The following ADGRV1 variants were observed in gnomAD, a reference collection of about 807,000 sequenced individuals.
ADGRV1 encodes adhesion G protein-coupled receptor V1, also known as G-protein coupled receptor 98.
Under a neutral mutation model 596.2 loss-of-function variants are expected in ADGRV1, and 359 were observed. The ratio of observed to expected loss-of-function variants is 0.60; its 90% CI spans 0.55 to 0.66. The LOEUF (loss-of-function observed/expected upper bound fraction) is 0.66. ADGRV1 is among the 30% of genes least tolerant of loss of function. The probability of loss-of-function intolerance (pLI) is 0.00; values close to 1 mark genes in which losing one functional copy is unlikely to be tolerated. For missense variants in ADGRV1, 7,274 were observed against 7,575.6 expected (o/e 0.96, Z 1.48); for synonymous variants, 2,681 against 2,679.2 (o/e 1.00, Z -0.02).
At chr5:90,928,717 AG>A (rs905078844) in intron 83 of ADGRV1, among the ~76,000 whole-genome samples, 2 of 151,206 alleles carry the variant, frequency 1.3e-5, no homozygotes, top group African/African-American at 4.9e-5. Flanking sequence ...TCTGCTTTTT[AG>A]AGTTTCCCGT....
Position 90,716,570 on chromosome 5 carries a change from G to C in ADGRV1, c.9288G>C (p.Glu3096Asp). Residue 3096 changes from glutamate (E) to aspartate (D), a missense_variant, in exon 43 of 90, where the codon GAG becomes GAC. By Grantham distance (45) the Glu-to-Asp change is conservative (BLOSUM62 2). Transcript: ENST00000405460. ...AGCCAACAGCTCTCTACGTCCAGGA[G>C]AGTGTTGCAGTATTGTACATTGTTC... The part of the protein sequence containing the change: ...LREPTALYVQ[E>D]SVAVLYIVRE... 6.2e-7 allele frequency: 1 copy of C among 1,613,780 alleles called. No homozygotes were observed. The highest frequency in any genetic ancestry group is 8.5e-7 in the Non-Finnish European group (1 of 1,179,738).
intron 28 of ADGRV1, 88 bp downstream of exon 28, chr5:90,684,283 A>G: frequency 8.0e-7 from 1 of 1,243,172 alleles, no homozygotes; most frequent in East Asian, 2.6e-5. Flanking sequence ...AGAAAATTCT[A>G]TAAAAAGTAG....
intron 85 of ADGRV1, among the ~76,000 whole-genome samples, chr5:91,039,160 C>CA (rs1314700604): frequency 1.3e-5 from 2 of 152,038 alleles, no homozygotes; most frequent in African/African-American, 2.4e-5. Flanking sequence ...ACGCAGCTGA[C>CA]AAAAATCCAA....
At chr5:91,141,824 A>T (rs1036111736) in intron 87 of ADGRV1, among the ~76,000 whole-genome samples, 11 of 152,184 alleles carry the variant, frequency 7.2e-5, no homozygotes, top group Admixed American at 6.5e-5. Flanking sequence ...GTGTCTGCCA[A>T]GGGGACAGCA....
In ADGRV1 at chr5:91,153,413, A is replaced by G. The variant is rs969633194; in HGVS notation, c.18802+15A>G. The G allele has an allele frequency of 7.8e-6, 12 of 1,547,134 alleles. No individual in the cohort carries two copies. In the African/African-American group the frequency reaches 1.4e-4, roughly 18 times the overall value. On this transcript the variant is annotated intron_variant, in intron 89 of 89. Transcript: ENST00000405460. ...ATTAAAAACTGGTATGTATGAACCC[A>G]TGAACGACATTAGAAGTAGGCACTC...
intron 89 of ADGRV1, among the ~76,000 whole-genome samples, chr5:91,160,625 G>C (rs1170072196): frequency 6.6e-6 from 1 of 152,132 alleles, no homozygotes; most frequent in African/African-American, 2.4e-5. Flanking sequence ...CACAGTCGCT[G>C]GATTTTTCTT....
chr5:90,559,321 T>C (rs1388646008), intron 1 of ADGRV1, among the ~76,000 whole-genome samples: 1 of 152,092 alleles, frequency 6.6e-6, no homozygotes, highest in African/African-American at 2.4e-5. Context: ...CGGTGCGCCA[T>C]AGGTAATAAT....
At chr5:90,946,327 C>T (rs1776574598) in intron 83 of ADGRV1, among the ~76,000 whole-genome samples, 1 of 152,194 alleles carries the variant, frequency 6.6e-6, no homozygotes, top group African/African-American at 2.4e-5. Context: ...TTTTTAATTA[C>T]ATTGTAAGAA....
chr5:91,049,562 CTTGTTGCCCTTTATATTAA>C (rs1326976145), intron 85 of ADGRV1, among the ~76,000 whole-genome samples: 1 of 152,194 alleles, frequency 6.6e-6, no homozygotes, highest in Non-Finnish European at 1.5e-5. Context: ...TACCTGGACA[CTTGTTGCCCTTTATATTAA>C]TTCAAAATCA....
At chr5:90,644,032 A>G in intron 14 of ADGRV1, 49 bp downstream of exon 14, 1 of 1,281,280 alleles carries the variant, frequency 7.8e-7, no homozygotes, top group Non-Finnish European at 1.0e-6. Context: ...TGAAGAAGAA[A>G]TATAATTTTT....
At chr5:90,977,585 T>A (rs906295457) in intron 84 of ADGRV1, among the ~76,000 whole-genome samples, 7 of 152,240 alleles carry the variant, frequency 4.6e-5, no homozygotes, top group Non-Finnish European at 1.5e-5. Flanking sequence ...CGAATGAATG[T>A]GTGTTTATGG....
chr5:90,704,537 A>G, intron 36 of ADGRV1, 49 bp downstream of exon 36: 3 of 1,169,922 alleles, frequency 2.6e-6, no homozygotes, highest in East Asian at 2.6e-5. Flanking sequence ...CTTTTCGTAA[A>G]AGAAAGAAAA....
At position 90,647,749 on chromosome 5, in the gene ADGRV1, C is replaced by T; in HGVS notation, c.3274C>T (p.Leu1092Phe). The change falls in exon 17 of 90, where the codon CTC (leucine) becomes TTC (phenylalanine). Residue 1092 changes from leucine to phenylalanine, a missense_variant. Leu to Phe is a conservative substitution (Grantham distance 22). Coordinates refer to ENST00000405460, the MANE Select transcript of ADGRV1 (RefSeq NM_032119.4). ...AACAGATGAGCCCTTTTATATAATC[C>T]TCTTGAATTCAACAGGTAAGTAAAT... is the stretch of plus-strand genomic sequence containing the variant. ...PETDEPFYII[L>F]LNSTGDTVVY... The T allele has an allele frequency of 1.2e-6, 2 of 1,612,430 alleles. No homozygotes were observed. The highest frequency in any genetic ancestry group is 1.7e-6 in the Non-Finnish European group (2 of 1,178,966).
intron 21 of ADGRV1, among the ~76,000 whole-genome samples, chr5:90,669,489 C>T (rs1027672100): frequency 6.6e-6 from 1 of 152,068 alleles, no homozygotes; most frequent in Non-Finnish European, 1.5e-5. Context: ...AAATAGAGAC[C>T]TGATAAAAAT....
At position 90,716,760 on chromosome 5, in the gene ADGRV1, G is replaced by A. The variant is rs370105196; in HGVS notation, c.9447+31G>A. On this transcript the variant is annotated intron_variant, in intron 43 of 89. Coordinates refer to ENST00000405460, the MANE Select transcript of ADGRV1 (RefSeq NM_032119.4). ...GTAAGAAGCTTTAATGAGAATGGAAGTTTATCTTTAATATTTACAAAATAA... is the reference window on the plus strand; with the variant it reads ...GTAAGAAGCTTTAATGAGAATGGAAATTTATCTTTAATATTTACAAAATAA... The A allele has an allele frequency of 5.3e-6, 8 of 1,523,224 alleles. No individual in the cohort carries two copies. In the East Asian group the frequency reaches 1.4e-4, roughly 26 times the overall value. The allele number at this position is 1,523,224 out of a possible 1,614,324, so 94.4% of individuals were successfully genotyped here.
intron 1 of ADGRV1, among the ~76,000 whole-genome samples, chr5:90,561,265 T>A (rs1754797920): frequency 6.6e-6 from 1 of 152,130 alleles, no homozygotes; most frequent in Non-Finnish European, 1.5e-5. Context: ...GAATGTAACA[T>A]GAAATCTTGA....
chr5:90,885,569 G>A (rs1211502625), intron 83 of ADGRV1, among the ~76,000 whole-genome samples: 3 of 152,098 alleles, frequency 2.0e-5, no homozygotes. Flanking sequence ...GGATCAAATG[G>A]TTATTACACA....
chr5:91,058,921 C>T (rs1249049484), intron 85 of ADGRV1, among the ~76,000 whole-genome samples: 1 of 152,206 alleles, frequency 6.6e-6, no homozygotes, highest in African/African-American at 2.4e-5. Flanking sequence ...TCCACAAAGT[C>T]TCCTGACTAC....
At chr5:91,073,898 A>G (rs979150760) in intron 86 of ADGRV1, among the ~76,000 whole-genome samples, 1 of 152,172 alleles carries the variant, frequency 6.6e-6, no homozygotes, top group Non-Finnish European at 1.5e-5. Flanking sequence ...GGGTTTCACC[A>G]CATTGCCCAG....
Sources: allele counts gnomAD v4.1 joint callset (sites outside exome capture counted in the v4.1 genomes callset), GRCh38; gene constraint gnomAD v4.1.1; transcripts MANE v1.5; gene names NCBI Gene and HGNC (gene_info 2026-07-23, HGNC 2026-07-21).